The following CWH43 variants were observed in gnomAD, a reference collection of about 807,000 sequenced individuals.
The protein encoded by CWH43 is PGAP2-interacting protein.
In CWH43, 91 loss-of-function variants were observed where a neutral mutation model predicts 85.7. The observed-to-expected ratio is 1.06, with a 90% CI of 0.90 to 1.26. The LOEUF (loss-of-function observed/expected upper bound fraction) is 1.26, where lower values mean the gene tolerates loss of function less well. Ranked by LOEUF, CWH43 falls within the 50% of genes most tolerant of loss-of-function variation. The pLI is 0.00. For missense variants in CWH43, 869 were observed against 839.2 expected, an observed-to-expected ratio of 1.04 and a Z score of -0.44; for synonymous variants, 323 against 293.6, an observed-to-expected ratio of 1.10 and a Z score of -1.02.
At chr4:49,061,542 A>T (rs1207003759) in intron 15 of CWH43, among the ~76,000 whole-genome samples, 1 of 152,220 alleles carries the variant, frequency 6.6e-6, no homozygotes, top group African/African-American at 2.4e-5. Flanking sequence ...AGAGAATATT[A>T]TTCAAACTCA....
intron 9 of CWH43, among the ~76,000 whole-genome samples, chr4:49,018,047 C>A (rs1402220086): frequency 6.6e-6 from 1 of 151,602 alleles, no homozygotes; most frequent in African/African-American, 2.4e-5. Context: ...ACCATGTTGG[C>A]CAGGATGGTC....
intron 9 of CWH43, among the ~76,000 whole-genome samples, chr4:49,018,250 C>T (rs1342600639): frequency 2.0e-5 from 3 of 151,964 alleles, no homozygotes; most frequent in African/African-American, 4.8e-5. Flanking sequence ...AGAACAGTAC[C>T]GAGGGTGTGG....
chr4:49,011,063 A>G (rs1473062425), intron 8 of CWH43, among the ~76,000 whole-genome samples: 1 of 152,118 alleles, frequency 6.6e-6, no homozygotes, highest in Non-Finnish European at 1.5e-5. Context: ...TATGTCTAAT[A>G]TTGACAGTGG....
At position 48,986,349 on chromosome 4, in the gene CWH43, C is replaced by T. The variant is rs1348706770; in HGVS notation, c.-81C>T. On this transcript the variant is annotated 5_prime_UTR_variant, in exon 1 of 16. Transcript: ENST00000226432. ...ACGCAGGCCCGGGAGGACGCGGCGG[C>T]GGGAACCTGGGGGCGCAGGGCTAGG... 1.5e-5 allele frequency: 20 copies of T among 1,376,236 alleles called. No individual in the cohort carries two copies. The highest frequency in any genetic ancestry group is 1.9e-5 in the Non-Finnish European group (19 of 1,011,396). The allele number at this position is 1,376,236 out of a possible 1,614,324, so 85.3% of individuals were successfully genotyped here.
At chr4:48,993,106 C>A (rs554648969) in intron 4 of CWH43, among the ~76,000 whole-genome samples, 1 of 152,282 alleles carries the variant, frequency 6.6e-6, no homozygotes, top group South Asian at 2.1e-4. Context: ...GTATGTGACC[C>A]AGTTCCTGGC....
At position 49,046,688 on chromosome 4, in the gene CWH43, G is replaced by A. The variant is rs117857115; in HGVS notation, c.1865+1841G>A. On this transcript the variant is annotated intron_variant, in intron 14 of 15. Coordinates refer to ENST00000226432, the MANE Select transcript of CWH43 (RefSeq NM_025087.3). ...GAAGAGCACTTCAGGCAGGGGAGGC[G>A]GGGAAAGTTTGAGAGGAGGATGCTG... Among the ~76,000 whole-genome samples, 385 of 152,174 alleles carry A rather than the reference G, an allele frequency of 2.5e-3. 13 individuals carry two copies. In the East Asian group the frequency reaches 0.071, roughly 28 times the overall value.
At chr4:49,013,420 G>A (rs1273307258) in intron 8 of CWH43, among the ~76,000 whole-genome samples, 1 of 152,244 alleles carries the variant, frequency 6.6e-6, no homozygotes, top group Non-Finnish European at 1.5e-5. Context: ...GGCTAGGAAA[G>A]GGAAATCCTC....
intron 12 of CWH43, 94 bp downstream of exon 12, chr4:49,032,809 C>T: frequency 1.4e-6 from 2 of 1,472,304 alleles, no homozygotes; most frequent in South Asian, 2.4e-5. Context: ...TTCTCATTTT[C>T]TTCTTTTTTA....
intron 14 of CWH43, among the ~76,000 whole-genome samples, chr4:49,045,367 G>GA (rs1784592016): frequency 6.6e-6 from 1 of 152,146 alleles, no homozygotes; most frequent in African/African-American, 2.4e-5. Flanking sequence ...ACATGCGTAT[G>GA]TGTGTGTATG....
chr4:49,040,754 C>T (rs1274375034), intron 13 of CWH43, among the ~76,000 whole-genome samples: 1 of 152,088 alleles, frequency 6.6e-6, no homozygotes, highest in Non-Finnish European at 1.5e-5. Context: ...TTAATTAGAT[C>T]CCATTTGTCA....
Position 49,004,010 on chromosome 4 carries a change from G to T in CWH43, c.1060+18G>T. 6.3e-7 allele frequency: 1 copy of T among 1,592,110 alleles called. No individual in the cohort carries two copies. The highest frequency in any genetic ancestry group is 8.5e-7 in the Non-Finnish European group (1 of 1,172,534). ...GCTTTTGGGTGAGTACATTTGAAAG[G>T]TCTGGATTAAAATAATTGCTCAAAA... is the stretch of plus-strand genomic sequence containing the variant. On this transcript the variant is annotated intron_variant, in intron 7 of 15. Coordinates refer to ENST00000226432, the MANE Select transcript of CWH43 (RefSeq NM_025087.3).
Position 48,986,344 on chromosome 4 carries a change from G to C in CWH43, c.-86G>C. ...CGCGGACGCAGGCCCGGGAGGACGC[G>C]GCGGCGGGAACCTGGGGGCGCAGGG... On this transcript the variant is annotated 5_prime_UTR_variant, in exon 1 of 16. Transcript: ENST00000226432. 7.5e-7 allele frequency: 1 copy of C among 1,327,238 alleles called. No individual in the cohort carries two copies. Among genetic ancestry groups the C allele is most frequent in the Non-Finnish European group, 1.0e-6 (1 of 969,024 alleles). The allele number at this position is 1,327,238 out of a possible 1,614,324, so 82.2% of individuals were successfully genotyped here.
At chr4:49,025,707 C>A (rs1448589526) in intron 9 of CWH43, among the ~76,000 whole-genome samples, 5 of 152,188 alleles carry the variant, frequency 3.3e-5, no homozygotes, top group Non-Finnish European at 5.9e-5. Context: ...TGTGATCCAT[C>A]TTCAAATCTC....
chr4:48,997,420 A>G (rs1403003052), intron 5 of CWH43, among the ~76,000 whole-genome samples: 2 of 152,132 alleles, frequency 1.3e-5, no homozygotes, highest in Admixed American at 6.6e-5. Context: ...TGTGAGCTCT[A>G]TGGGAGAAAG....
chr4:48,986,342 G>C lies in CWH43; in HGVS notation c.-88G>C. On this transcript the variant is annotated 5_prime_UTR_variant, in exon 1 of 16. Transcript: ENST00000226432. ...GGCGCGGACGCAGGCCCGGGAGGAC[G>C]CGGCGGCGGGAACCTGGGGGCGCAG... is the stretch of plus-strand genomic sequence containing the variant. 1 of 1,302,488 alleles carries C rather than the reference G, an allele frequency of 7.7e-7. No homozygotes were observed. Among genetic ancestry groups the C allele is most frequent in the African/African-American group, 1.5e-5 (1 of 67,048 alleles). 80.7% of individuals were successfully genotyped at this position (1,302,488 alleles called of 1,614,324 possible). A position where few individuals can be genotyped will look rare whatever the true frequency, so the allele number is the denominator to read the frequency against.
At chr4:49,001,611 G>A (rs944011891) in intron 6 of CWH43, among the ~76,000 whole-genome samples, 6 of 152,124 alleles carry the variant, frequency 3.9e-5, no homozygotes, top group Middle Eastern at 3.4e-3. Context: ...AATGGGTTAC[G>A]GGTCAGAAAG....
At chr4:48,987,420 C>T (rs1782530030) in intron 1 of CWH43, among the ~76,000 whole-genome samples, 1 of 152,256 alleles carries the variant, frequency 6.6e-6, no homozygotes, top group South Asian at 2.1e-4. Flanking sequence ...AGAAAGTTCC[C>T]ACGCCCAGTG....
chr4:48,986,688 G>A (rs2572344), intron 1 of CWH43: 851,446 of 1,330,732 alleles, frequency 0.64, 282,145 homozygotes, highest in Middle Eastern at 0.74. Context: ...TCTGCGAGGC[G>A]CCCGCGAGAG....
chr4:49,053,074 G>A (rs1057017734), intron 15 of CWH43, among the ~76,000 whole-genome samples: 3 of 152,258 alleles, frequency 2.0e-5, no homozygotes, highest in African/African-American at 7.2e-5. Flanking sequence ...CACTTAGCAT[G>A]ATGTCCTCTA....
Sources: allele counts gnomAD v4.1 joint callset (sites outside exome capture counted in the v4.1 genomes callset), GRCh38; gene constraint gnomAD v4.1.1; transcripts MANE v1.5; gene names NCBI Gene and HGNC (gene_info 2026-07-23, HGNC 2026-07-21).